The following PITPNM3 variants were observed in gnomAD, a reference collection of about 807,000 sequenced individuals.
PITPNM3 encodes the protein membrane-associated phosphatidylinositol transfer protein 3.
Under a neutral mutation model 102.0 loss-of-function variants are expected in PITPNM3, and 26 were observed. The ratio of observed to expected loss-of-function variants is 0.25; its 90% CI spans 0.19 to 0.35. The LOEUF is 0.35. Among genes scored for constraint, PITPNM3 ranks in the 10% least tolerant of loss-of-function variants. The pLI is 1.00. For synonymous variants in PITPNM3, 578 were observed against 558.6 expected, an observed-to-expected ratio of 1.03 and a Z score of -0.49; for missense variants, 1,083 against 1,346.1, an observed-to-expected ratio of 0.80 and a Z score of 3.06.
At chr17:6,538,717 C>G (rs1909577864) in intron 1 of PITPNM3, among the ~76,000 whole-genome samples, 1 of 152,222 alleles carries the variant, frequency 6.6e-6, no homozygotes, top group Admixed American at 6.5e-5. Context: ...CTCAGTTTTT[C>G]CATCTGTACA....
intron 3 of PITPNM3, among the ~76,000 whole-genome samples, chr17:6,519,181 C>CAAAAAAAAAAAACAAAAACA: frequency 1.4e-5 from 1 of 72,404 alleles, no homozygotes; most frequent in Admixed American, 1.4e-4. Flanking sequence ...ACTAAAAATA[C>CAAAAAAAAAAAACAAAAACA]AAAAAATTAG....
At position 6,455,212 on chromosome 17, in the gene PITPNM3, CT is replaced by C; in HGVS notation, c.*125del. 1 of 1,280,814 alleles carries C rather than the reference CT, an allele frequency of 7.8e-7. No homozygotes were observed. The highest frequency in any genetic ancestry group is 1.5e-5 in the African/African-American group (1 of 66,058). 79.3% of individuals were successfully genotyped at this position (1,280,814 alleles called of 1,614,324 possible). ...GATCCCTCCCCGCTCTGGTCGGACA[CT>C]GCTGGACAGACACGGGAGGGAAAAA... is the stretch of plus-strand genomic sequence containing the variant. On this transcript the variant is annotated 3_prime_UTR_variant, in exon 20 of 20. Coordinates refer to ENST00000262483, the MANE Select transcript of PITPNM3 (RefSeq NM_031220.4).
chr17:6,532,314 T>C (rs1909190509), intron 2 of PITPNM3, among the ~76,000 whole-genome samples: 1 of 152,130 alleles, frequency 6.6e-6, no homozygotes. Flanking sequence ...ACAGTCTCCA[T>C]TTTTTAAACA....
intron 4 of PITPNM3, among the ~76,000 whole-genome samples, chr17:6,494,278 TTTGCTCTTAC>T (rs1410750540): frequency 6.6e-6 from 1 of 152,178 alleles, no homozygotes; most frequent in African/African-American, 2.4e-5. Context: ...GAATGGTCTC[TTTGCTCTTAC>T]TAATCCCTTC....
At chr17:6,474,677 G>T in intron 9 of PITPNM3, 73 bp from the exon 10 acceptor site, 1 of 1,485,868 alleles carries the variant, frequency 6.7e-7, no homozygotes, top group Non-Finnish European at 9.1e-7. Context: ...TCACACAGCA[G>T]CGCAGCCTGA....
At position 6,451,877 on chromosome 17, in the gene PITPNM3, C is replaced by CG. The variant is rs1358098628; in HGVS notation, c.*3460_*3461insC. 7.0e-5 allele frequency: 2 copies of CG among 28,496 alleles called. No individual in the cohort carries two copies. Among genetic ancestry groups the CG allele is most frequent in the Non-Finnish European group, 1.5e-4 (2 of 13,046 alleles). 1.8% of individuals were successfully genotyped at this position (28,496 alleles called of 1,614,324 possible). A position where few individuals can be genotyped will look rare whatever the true frequency, so the allele number is the denominator to read the frequency against. On this transcript the variant is annotated 3_prime_UTR_variant, in exon 20 of 20. Coordinates refer to ENST00000262483, the MANE Select transcript of PITPNM3 (RefSeq NM_031220.4). ...TCCAGGGCACTTGGCACCCAAACCC[C>CG]CCCCCCCCGCCCGCCGATGGGATTC...
chr17:6,485,018 G>A (rs1349206480), intron 4 of PITPNM3, among the ~76,000 whole-genome samples: 1 of 152,126 alleles, frequency 6.6e-6, no homozygotes, highest in Non-Finnish European at 1.5e-5. Flanking sequence ...CTGGCCTTTG[G>A]GCTTGGGCTG....
rs1346751950 is a variant in PITPNM3, at chr17:6,543,515, T to A, written c.23-5433A>T. ...TGTCTGAGGGGAAGACATTTCACAGTGAGGAACGCCCTGACCGTAAGATGC... is the reference window on the plus strand; with the variant it reads ...TGTCTGAGGGGAAGACATTTCACAGAGAGGAACGCCCTGACCGTAAGATGC... On this transcript the variant is annotated intron_variant, in intron 1 of 19. Coordinates refer to ENST00000262483, the MANE Select transcript of PITPNM3 (RefSeq NM_031220.4). Among the ~76,000 whole-genome samples the A allele has an allele frequency of 2.0e-5, 3 of 152,264 alleles. No individual in the cohort carries two copies. The East Asian group carries it at 5.8e-4, about 29-fold the overall frequency.
In PITPNM3 at chr17:6,454,320, C is replaced by T. The variant is rs1913987169; in HGVS notation, c.*1018G>A. On this transcript the variant is annotated 3_prime_UTR_variant, in exon 20 of 20. Coordinates refer to ENST00000262483, the MANE Select transcript of PITPNM3 (RefSeq NM_031220.4). ...TGCACCTCTCCGTGGAGTAGGGATC[C>T]CTTCCCAGCCCACCCAGAGAGGCTC... 2 of 152,182 alleles carry T rather than the reference C, an allele frequency of 1.3e-5. No homozygotes were observed. The highest frequency in any genetic ancestry group is 1.5e-5 in the Non-Finnish European group (1 of 68,060). The allele number at this position is 152,182 out of a possible 1,614,324, so 9.4% of individuals were successfully genotyped here.
chr17:6,505,621 C>A (rs563510584), intron 3 of PITPNM3, among the ~76,000 whole-genome samples: 120 of 152,376 alleles, frequency 7.9e-4, no homozygotes, highest in African/African-American at 2.8e-3. Context: ...AGCACCATGT[C>A]TGAGCACCAG....
rs201959934 is a variant in PITPNM3, at chr17:6,537,256, C to CTT, written c.118+729_118+730dup. On this transcript the variant is annotated intron_variant, in intron 2 of 19. Coordinates refer to ENST00000262483, the MANE Select transcript of PITPNM3 (RefSeq NM_031220.4). The surrounding 1 kb of genome is among the most constrained non-coding windows in gnomAD (Gnocchi z 4.4). ...TATGAGGCTCATTTATTTTTTCTTT[C>CTT]TTTTTTTTTTTTTTTTTTCTGAGAC... Among the ~76,000 whole-genome samples the CTT allele has an allele frequency of 0.016, 2,036 of 128,236 alleles. 86 individuals are homozygous for CTT. Among genetic ancestry groups the CTT allele is most frequent in the African/African-American group, 0.058 (1,849 of 31,764 alleles). The allele number at this position is 128,236 out of a possible 152,430, so 84.1% of individuals were successfully genotyped here. A position where few individuals can be genotyped will look rare whatever the true frequency, so the allele number is the denominator to read the frequency against.
chr17:6,461,095 A>T (rs1295348550), intron 18 of PITPNM3: 2 of 523,068 alleles, frequency 3.8e-6, no homozygotes, highest in African/African-American at 3.8e-5. Context: ...TGTCTATTGG[A>T]TGAATGGCCA....
chr17:6,479,025 C>A (rs933012129), intron 6 of PITPNM3: 25 of 432,254 alleles, frequency 5.8e-5, no homozygotes, highest in Admixed American at 1.1e-4. Flanking sequence ...TTCTGCATGG[C>A]CCCAAAGGGC....
At chr17:6,541,250 G>A (rs910790954) in intron 1 of PITPNM3, among the ~76,000 whole-genome samples, 3 of 150,848 alleles carry the variant, frequency 2.0e-5, no homozygotes, top group Admixed American at 6.6e-5. Context: ...CAGGCAAGCA[G>A]AGGCCTGAAT....
chr17:6,554,622 GGGACCAAAGGACCCACA>G lies in PITPNM3; in HGVS notation c.22+1746_22+1762del, dbSNP rs1459817734. 2.0e-5 allele frequency among the ~76,000 whole-genome samples: 3 copies of G among 152,318 alleles called. No individual in the cohort carries two copies. In the South Asian group the frequency reaches 6.2e-4, roughly 32 times the overall value. On this transcript the variant is annotated intron_variant, in intron 1 of 19. Transcript: ENST00000262483. ...CAAATTCCCACAGACTCTCAGCCCA[GGGACCAAAGGACCCACA>G]GGCTAAGGCAGAGGGACTGAGACTG...
At chr17:6,541,812 G>C (rs1236378766) in intron 1 of PITPNM3, among the ~76,000 whole-genome samples, 1 of 152,130 alleles carries the variant, frequency 6.6e-6, no homozygotes, top group Non-Finnish European at 1.5e-5. Context: ...CCAACACAAA[G>C]TCCCACACAG....
chr17:6,526,763 T>C (rs959615530), intron 2 of PITPNM3, among the ~76,000 whole-genome samples: 1 of 152,224 alleles, frequency 6.6e-6, no homozygotes, highest in Non-Finnish European at 1.5e-5. Context: ...TGTTATTATC[T>C]CCATTTTATA....
rs1250707476 is a variant in PITPNM3 at position 6,472,873 on chromosome 17, C to T, written c.1259-46G>A. 3.7e-5 allele frequency: 60 copies of T among 1,605,452 alleles called. No individual in the cohort carries two copies. The highest frequency in any genetic ancestry group is 4.9e-5 in the Non-Finnish European group (57 of 1,174,772). On this transcript the variant is annotated intron_variant, in intron 10 of 19. Transcript: ENST00000262483. The surrounding 1 kb of genome is among the most constrained non-coding windows in gnomAD (Gnocchi z 4.1). ...GAGGGAAGCCACTTTCTAGTACCTG[C>T]TCCCTGGGCCCTAGGAGGCTCCCTG...
In PITPNM3 at chr17:6,468,354, C is replaced by A. The variant is rs748806535; in HGVS notation, c.1774-13G>T. 1.2e-6 allele frequency: 2 copies of A among 1,613,138 alleles called. No homozygotes were observed. Among genetic ancestry groups the A allele is most frequent in the Admixed American group, 1.7e-5 (1 of 60,006 alleles). On this transcript the variant is annotated splice_polypyrimidine_tract_variant and intron_variant, in intron 13 of 19. Transcript: ENST00000262483. This position sits in a 1 kb window ranked among gnomAD's most constrained non-coding sequence, Gnocchi z 5.2. ...CATAGCGCATTACCTAGCCAAGAGC[C>A]GAGCAGGGCCCCGGTCAGGTCTTCT...
Sources: gnomAD v4.1 joint callset for allele counts (sites outside exome capture counted in the v4.1 genomes callset) on GRCh38, gnomAD v4.1.1 for gene constraint, Gnocchi (gnomAD v3.1) non-coding constraint, MANE v1.5 for transcripts, NCBI Gene and HGNC (gene_info 2026-07-23, HGNC 2026-07-21) for gene names.